The following LOXL2 variants were observed in gnomAD, a reference collection of about 807,000 sequenced individuals.
LOXL2 encodes lysyl oxidase homolog 2.
A neutral mutation model predicts 93.0 loss-of-function variants in LOXL2; 70 were observed. The ratio of observed to expected loss-of-function variants is 0.75; its 90% CI spans 0.62 to 0.92. The LOEUF is 0.92. Ranked by LOEUF, LOXL2 falls within the 40% of genes least tolerant of loss-of-function variation. The pLI, the probability that LOXL2 is intolerant of heterozygous loss-of-function variation, is 0.00. For synonymous variants in LOXL2, 438 were observed against 413.2 expected, an observed-to-expected ratio of 1.06 and a Z score of -0.73; for missense variants, 973 against 1,054.9, an observed-to-expected ratio of 0.92 and a Z score of 1.08.
intron 3 of LOXL2, among the ~76,000 whole-genome samples, chr8:23,343,421 A>G (rs1052744100): frequency 3.3e-5 from 5 of 152,220 alleles, no homozygotes; most frequent in African/African-American, 7.2e-5. Context: ...TGGAAGACAC[A>G]CACACTGTGG....
Position 23,322,270 on chromosome 8 carries a change from T to C in LOXL2, c.1162A>G (p.Ile388Val), listed in dbSNP as rs1803509314. The change falls in exon 7 of 14, where the codon ATC becomes GTC. Residue 388 changes from isoleucine to valine, a missense_variant. Physicochemically the swap from Ile to Val is conservative, Grantham distance 29. Coordinates refer to ENST00000389131, the MANE Select transcript of LOXL2 (RefSeq NM_002318.3). Reference sequence around the variant, plus strand: ...GTGCACTGGATCTCGTTGAGGTGGATGGGTCCGATCCCTGCAAGGGGAGAA... The same window carrying C: ...GTGCACTGGATCTCGTTGAGGTGGACGGGTCCGATCCCTGCAAGGGGAGAA... The part of the protein sequence containing the change: ...GSRLGQGIGP[I>V]HLNEIQCTGN... 1.2e-6 allele frequency: 2 copies of C among 1,614,172 alleles called. No homozygotes were observed. Among genetic ancestry groups the C allele is most frequent in the African/African-American group, 2.7e-5 (2 of 75,058 alleles).
chr8:23,322,999 C>A (rs914775329), intron 6 of LOXL2, among the ~76,000 whole-genome samples: 1 of 152,214 alleles, frequency 6.6e-6, no homozygotes, highest in African/African-American at 2.4e-5. Flanking sequence ...TAAAGGAGGG[C>A]CCTCGACTCT....
chr8:23,345,109 C>T (rs1416800476), intron 3 of LOXL2, among the ~76,000 whole-genome samples: 1 of 152,204 alleles, frequency 6.6e-6, no homozygotes, highest in Non-Finnish European at 1.5e-5. Context: ...TTCAAGATGG[C>T]TCATGGTCCA....
intron 10 of LOXL2, among the ~76,000 whole-genome samples, chr8:23,304,251 C>T (rs550298908): frequency 1.3e-4 from 20 of 152,314 alleles, no homozygotes; most frequent in African/African-American, 4.1e-4. Context: ...TCTCTTCCCT[C>T]GGGAGGAATT....
intron 5 of LOXL2, 114 bp from the exon 6 acceptor site, chr8:23,328,679 C>A: frequency 1.1e-6 from 1 of 892,380 alleles, no homozygotes; most frequent in Non-Finnish European, 1.8e-6. Context: ...GGCACTCAGT[C>A]TGGGAGCTGC....
chr8:23,348,464 A>G (rs1804030735), intron 3 of LOXL2, among the ~76,000 whole-genome samples: 1 of 151,492 alleles, frequency 6.6e-6, no homozygotes, highest in East Asian at 1.9e-4. Flanking sequence ...AGCTCCCAGG[A>G]GGCTGAGGTG....
At position 23,317,040 on chromosome 8, in the gene LOXL2, C is replaced by A. The variant is rs1240193301; in HGVS notation, c.1545G>T (p.Glu515Asp). ...VMSGVKCSGT[E>D]LSLAHCRHDG... is the part of the protein sequence containing the mutation. The stretch of plus-strand genomic sequence containing the variant: ...CGTGGCGGCAGTGCGCCAGGGACAG[C>A]TCCGTTCCCGAGCACTTCACTCCAC... The change falls in exon 9 of 14, where the codon GAG (glutamate) becomes GAT (aspartate). Residue 515 changes from glutamate to aspartate, a missense_variant. Transcript: ENST00000389131. 1.2e-6 allele frequency: 2 copies of A among 1,614,208 alleles called. No individual in the cohort carries two copies. The highest frequency in any genetic ancestry group is 1.7e-6 in the Non-Finnish European group (2 of 1,180,026).
At chr8:23,368,538 C>A in intron 1 of LOXL2, 104 bp from the exon 2 acceptor site, 1 of 605,774 alleles carries the variant, frequency 1.7e-6, no homozygotes, top group Non-Finnish European at 2.9e-6. Flanking sequence ...GAAAGCTCGT[C>A]CATTCTCGAC....
At chr8:23,370,050 A>T (rs1804470954) in intron 1 of LOXL2, among the ~76,000 whole-genome samples, 1 of 152,148 alleles carries the variant, frequency 6.6e-6, no homozygotes. Context: ...GTCACTCCCA[A>T]TGTGCCATCC....
chr8:23,368,604 C>G (rs912290864), intron 1 of LOXL2, among the ~76,000 whole-genome samples, 170 bp from the exon 2 acceptor site: 53 of 152,336 alleles, frequency 3.5e-4, no homozygotes, highest in African/African-American at 1.2e-3. Context: ...GGTCCCACCT[C>G]CTTTACCTAC....
intron 1 of LOXL2, among the ~76,000 whole-genome samples, chr8:23,372,343 G>A (rs755112196): frequency 8.6e-5 from 13 of 151,706 alleles, no homozygotes; most frequent in South Asian, 2.1e-4. Context: ...TTAGCCCCTC[G>A]AGTAGCTGGG....
chr8:23,366,635 C>T (rs1254973878), intron 2 of LOXL2, among the ~76,000 whole-genome samples: 1 of 152,200 alleles, frequency 6.6e-6, no homozygotes, highest in African/African-American at 2.4e-5. Flanking sequence ...TTGGGCGATT[C>T]TTACGCAGTC....
chr8:23,357,704 T>G (rs1039979973), intron 3 of LOXL2, among the ~76,000 whole-genome samples: 2 of 151,976 alleles, frequency 1.3e-5, no homozygotes, highest in Non-Finnish European at 2.9e-5. Context: ...GAAGGCTGGG[T>G]CTTCACTGGA....
At chr8:23,374,819 G>A (rs1337760560) in intron 1 of LOXL2, among the ~76,000 whole-genome samples, 1 of 152,060 alleles carries the variant, frequency 6.6e-6, no homozygotes, top group African/African-American at 2.4e-5. Context: ...TTGTAAATTT[G>A]AGTTCTTTGT....
chr8:23,391,026 C>T (rs1277079568), intron 1 of LOXL2, among the ~76,000 whole-genome samples: 1 of 152,134 alleles, frequency 6.6e-6, no homozygotes, highest in Non-Finnish European at 1.5e-5. Context: ...AGGGGTCTCT[C>T]CTTATAAAAC....
intron 1 of LOXL2, among the ~76,000 whole-genome samples, chr8:23,380,057 G>A (rs545765069): frequency 6.6e-6 from 1 of 152,308 alleles, no homozygotes; most frequent in Admixed American, 6.5e-5. Context: ...GACTGAAGCT[G>A]TTCCTATTTG....
chr8:23,302,588 A>G (rs990225505), intron 11 of LOXL2, among the ~76,000 whole-genome samples: 4 of 152,200 alleles, frequency 2.6e-5, no homozygotes, highest in Admixed American at 1.3e-4. Flanking sequence ...TGTTATCTGC[A>G]CATGGTAAGA....
chr8:23,319,283 C>T (rs910805115), intron 8 of LOXL2, among the ~76,000 whole-genome samples: 7 of 2,750 alleles, frequency 2.5e-3, no homozygotes, highest in East Asian at 0.014. Context: ...GTGATGGGGG[C>T]GGGAGGGTGG....
chr8:23,352,497 G>C (rs1323380632), intron 3 of LOXL2, among the ~76,000 whole-genome samples: 2 of 152,184 alleles, frequency 1.3e-5, no homozygotes, highest in African/African-American at 4.8e-5. Flanking sequence ...GAAGGGTTCA[G>C]ACTTTTCAGA....
Sources: gnomAD v4.1 joint callset for allele counts (sites outside exome capture counted in the v4.1 genomes callset) on GRCh38, gnomAD v4.1.1 for gene constraint, MANE v1.5 for transcripts, NCBI Gene and HGNC (gene_info 2026-07-23, HGNC 2026-07-21) for gene names.